The following LHFPL3 variants were observed in gnomAD, a reference collection of about 807,000 sequenced individuals.
LHFPL3 encodes LHFPL tetraspan subfamily member 3 protein.
Under a neutral mutation model 19.3 loss-of-function variants are expected in LHFPL3, and 5 were observed. The ratio of observed to expected loss-of-function variants is 0.26; its 90% confidence interval spans 0.14 to 0.54. The LOEUF (loss-of-function observed/expected upper bound fraction) is 0.54, where lower values mean the gene tolerates loss of function less well. Ranked by LOEUF, LHFPL3 falls within the 20% of genes least tolerant of loss-of-function variation. The pLI is 0.94. For missense variants in LHFPL3, 249 were observed against 307.4 expected, an observed-to-expected ratio of 0.81 and a Z score of 1.42; for synonymous variants, 133 against 126.2, an observed-to-expected ratio of 1.05 and a Z score of -0.36.
intron 1 of LHFPL3, among the ~76,000 whole-genome samples, chr7:104,421,759 A>G (rs1223339171): frequency 2.6e-5 from 4 of 152,250 alleles, no homozygotes. Context: ...CAGAAATTGT[A>G]AAGAAAAGAT....
intron 1 of LHFPL3, among the ~76,000 whole-genome samples, chr7:104,702,253 G>A (rs1045670430): frequency 2.6e-5 from 4 of 152,124 alleles, no homozygotes; most frequent in Admixed American, 1.3e-4. Flanking sequence ...CTCTTCGGAG[G>A]ATATTAATCA....
intron 1 of LHFPL3, among the ~76,000 whole-genome samples, chr7:104,501,162 G>C (rs1793592144): frequency 6.6e-6 from 1 of 152,138 alleles, no homozygotes; most frequent in South Asian, 2.1e-4. Context: ...GAAGGAACAA[G>C]CTGTATAGTT....
At chr7:104,611,530 A>G (rs746074505) in intron 1 of LHFPL3, among the ~76,000 whole-genome samples, 3 of 152,234 alleles carry the variant, frequency 2.0e-5, no homozygotes, top group Non-Finnish European at 4.4e-5. Context: ...AGGGCAAAGA[A>G]GGAGACTAGC....
At chr7:104,878,729 A>C (rs1331616758) in intron 2 of LHFPL3, among the ~76,000 whole-genome samples, 6 of 152,206 alleles carry the variant, frequency 3.9e-5, no homozygotes, top group Non-Finnish European at 8.8e-5. Context: ...GCATGCCGAA[A>C]GCTGAGACAG....
chr7:104,901,885 A>G (rs1428034862), intron 2 of LHFPL3, among the ~76,000 whole-genome samples: 1 of 152,048 alleles, frequency 6.6e-6, no homozygotes, highest in Admixed American at 6.6e-5. Flanking sequence ...GTTTTAAAGA[A>G]GCACTCACCT....
At chr7:104,353,022 C>T (rs1293260783) in intron 1 of LHFPL3, among the ~76,000 whole-genome samples, 1 of 152,204 alleles carries the variant, frequency 6.6e-6, no homozygotes, top group African/African-American at 2.4e-5. Context: ...GCGATTATCC[C>T]TCTGCAGTTC....
chr7:104,538,002 A>T (rs1337514340), intron 1 of LHFPL3, among the ~76,000 whole-genome samples: 1 of 152,150 alleles, frequency 6.6e-6, no homozygotes, highest in Non-Finnish European at 1.5e-5. Flanking sequence ...TTCTCCTGTG[A>T]GGGATGGTTT....
chr7:104,898,041 A>G (rs12537945), intron 2 of LHFPL3, among the ~76,000 whole-genome samples: 20,050 of 125,694 alleles, frequency 0.16, 3,533 homozygotes, highest in East Asian at 0.48. Flanking sequence ...ACAGAGTCTC[A>G]CTCTGTTGCC....
At chr7:104,484,838 C>A (rs562067415) in intron 1 of LHFPL3, among the ~76,000 whole-genome samples, 1 of 152,218 alleles carries the variant, frequency 6.6e-6, no homozygotes, top group South Asian at 2.1e-4. Flanking sequence ...CACACTCCTG[C>A]AATGAATAAC....
At chr7:104,696,132 A>G (rs575010134) in intron 1 of LHFPL3, among the ~76,000 whole-genome samples, 1 of 152,162 alleles carries the variant, frequency 6.6e-6, no homozygotes, top group East Asian at 1.9e-4. Context: ...TGTGTTTTTT[A>G]GTAGAGACAG....
At chr7:104,414,881 G>T (rs573211522) in intron 1 of LHFPL3, among the ~76,000 whole-genome samples, 88 of 152,308 alleles carry the variant, frequency 5.8e-4, no homozygotes, top group African/African-American at 2.0e-3. Context: ...CCAAATGAGT[G>T]TGCTTCCAAT....
intron 1 of LHFPL3, among the ~76,000 whole-genome samples, chr7:104,463,141 A>G (rs1792709109): frequency 6.6e-6 from 1 of 152,100 alleles, no homozygotes; most frequent in Non-Finnish European, 1.5e-5. Flanking sequence ...CTTCTTTATT[A>G]GTCTAGCTAG....
intron 1 of LHFPL3, among the ~76,000 whole-genome samples, chr7:104,457,842 G>C (rs1047662279): frequency 7.0e-6 from 1 of 143,556 alleles, no homozygotes; most frequent in Non-Finnish European, 1.5e-5. Flanking sequence ...TTGTGGTTTT[G>C]ATTTGCATTT....
At chr7:104,494,096 C>T (rs1793410657) in intron 1 of LHFPL3, among the ~76,000 whole-genome samples, 1 of 152,080 alleles carries the variant, frequency 6.6e-6, no homozygotes, top group Non-Finnish European at 1.5e-5. Context: ...TTTCCATTAG[C>T]TAGGGCTGCT....
intron 2 of LHFPL3, among the ~76,000 whole-genome samples, chr7:104,794,199 G>A (rs1006238615): frequency 6.6e-6 from 1 of 152,172 alleles, no homozygotes; most frequent in African/African-American, 2.4e-5. Flanking sequence ...CAAATTTTGA[G>A]GAGGTCACTT....
At chr7:104,780,738 C>T (rs1350527636) in intron 2 of LHFPL3, among the ~76,000 whole-genome samples, 1 of 152,190 alleles carries the variant, frequency 6.6e-6, no homozygotes, top group Admixed American at 6.5e-5. Flanking sequence ...ACATCAGTGA[C>T]CATCCACATG....
intron 1 of LHFPL3, among the ~76,000 whole-genome samples, chr7:104,728,097 A>G (rs1190271139): frequency 1.3e-5 from 2 of 152,168 alleles, no homozygotes; most frequent in African/African-American, 4.8e-5. Flanking sequence ...AGAATCAAAT[A>G]TGACCCACAG....
At chr7:104,407,757 A>G (rs980218627) in intron 1 of LHFPL3, among the ~76,000 whole-genome samples, 1 of 152,226 alleles carries the variant, frequency 6.6e-6, no homozygotes, top group Admixed American at 6.5e-5. Context: ...CAGAAACATG[A>G]TGGGTAGAGA....
intron 1 of LHFPL3, among the ~76,000 whole-genome samples, chr7:104,458,368 A>C (rs1258769976): frequency 6.6e-6 from 1 of 152,242 alleles, no homozygotes; most frequent in Non-Finnish European, 1.5e-5. Flanking sequence ...TTTATTAAAT[A>C]GGGAATCCTT....
Sources: gnomAD v4.1 joint callset for allele counts (sites outside exome capture counted in the v4.1 genomes callset) on GRCh38, gnomAD v4.1.1 for gene constraint, MANE v1.5 for transcripts, NCBI Gene and HGNC (gene_info 2026-07-23, HGNC 2026-07-21) for gene names.